Variants in LDLRAD3 observed in about 807,000 individuals in gnomAD.
LDLRAD3 encodes the protein low-density lipoprotein receptor class A domain-containing protein 3.
LDLRAD3 carries 20 observed loss-of-function variants against 29.4 expected under a neutral mutation model. The ratio of observed to expected loss-of-function variants is 0.68; its 90% confidence interval spans 0.48 to 0.99. The LOEUF (loss-of-function observed/expected upper bound fraction) is 0.99. LDLRAD3 is among the 50% of genes least tolerant of loss of function. LDLRAD3 has a pLI of 0.00. For synonymous variants in LDLRAD3, 157 were observed against 192.7 expected, an observed-to-expected ratio of 0.81 and a Z score of 1.53; for missense variants, 420 against 454.3, an observed-to-expected ratio of 0.92 and a Z score of 0.69.
chr11:36,096,691 G>T (rs1853366668), intron 3 of LDLRAD3, among the ~76,000 whole-genome samples: 1 of 152,268 alleles, frequency 6.6e-6, no homozygotes, highest in Admixed American at 6.5e-5. Flanking sequence ...GCCTGTGGCT[G>T]GCGTAGCCAT....
chr11:36,222,183 C>T (rs767603219), intron 4 of LDLRAD3, among the ~76,000 whole-genome samples: 7 of 152,182 alleles, frequency 4.6e-5, no homozygotes, highest in Non-Finnish European at 1.0e-4. Flanking sequence ...GATCTTCCTT[C>T]TTAGCCTCCT....
At chr11:36,211,275 T>C (rs1855281087) in intron 4 of LDLRAD3, among the ~76,000 whole-genome samples, 1 of 152,168 alleles carries the variant, frequency 6.6e-6, no homozygotes, top group Admixed American at 6.5e-5. Context: ...ACCCCTGAGC[T>C]AGAACACAGG....
intron 4 of LDLRAD3, among the ~76,000 whole-genome samples, chr11:36,185,039 T>C (rs1439192073): frequency 1.3e-5 from 2 of 152,242 alleles, no homozygotes; most frequent in African/African-American, 2.4e-5. Flanking sequence ...AAATATATTT[T>C]ACTCTAGAAT....
At chr11:36,127,060 A>T (rs1202720748) in intron 4 of LDLRAD3, among the ~76,000 whole-genome samples, 1 of 152,208 alleles carries the variant, frequency 6.6e-6, no homozygotes, top group East Asian at 1.9e-4. Context: ...CACTGAGCAC[A>T]TTACTGTTGT....
chr11:36,133,595 T>C (rs2133308379), intron 4 of LDLRAD3, among the ~76,000 whole-genome samples: 1 of 147,038 alleles, frequency 6.8e-6, no homozygotes, highest in Non-Finnish European at 1.5e-5. Flanking sequence ...TCACCTAGGC[T>C]GTGTCTCAGC....
intron 4 of LDLRAD3, among the ~76,000 whole-genome samples, chr11:36,136,700 T>TG (rs892030327): frequency 5.4e-5 from 8 of 147,252 alleles, no homozygotes; most frequent in African/African-American, 1.7e-4. Flanking sequence ...CTAATCCTCT[T>TG]TTTTTTTTTT....
rs1392639853 is a variant in LDLRAD3, at chr11:35,944,153, G to T, written c.46+9G>T. The T allele has an allele frequency of 1.7e-5, 17 of 1,027,726 alleles. No homozygotes were observed. Among genetic ancestry groups the T allele is most frequent in the Non-Finnish European group, 2.0e-5 (17 of 859,182 alleles). The allele number at this position is 1,027,726 out of a possible 1,614,324, so 63.7% of individuals were successfully genotyped here. A position where few individuals can be genotyped will look rare whatever the true frequency, so the allele number is the denominator to read the frequency against. On this transcript the variant is annotated intron_variant, in intron 1 of 5. Transcript: ENST00000315571. The surrounding 1 kb of genome is among the most constrained non-coding windows in gnomAD (Gnocchi z 4.9). ...GCTGAGCAGCGCCGCGGGTGAGTCG[G>T]GGGGCGGCCGGCGAACTTCCCGCGG... is the stretch of plus-strand genomic sequence containing the variant.
chr11:36,087,084 A>T (rs1315416933), intron 3 of LDLRAD3, among the ~76,000 whole-genome samples: 1 of 152,172 alleles, frequency 6.6e-6, no homozygotes, highest in Non-Finnish European at 1.5e-5. Context: ...AAACTTTTAG[A>T]TACAGAATGT....
intron 1 of LDLRAD3, among the ~76,000 whole-genome samples, chr11:36,030,305 G>A (rs554669147): frequency 6.6e-6 from 1 of 152,326 alleles, no homozygotes; most frequent in African/African-American, 2.4e-5. Context: ...AGATGTCTCT[G>A]GTTCCTTCTG....
intron 4 of LDLRAD3, among the ~76,000 whole-genome samples, chr11:36,172,732 C>A (rs1854614910): frequency 6.6e-6 from 1 of 151,944 alleles, no homozygotes; most frequent in African/African-American, 2.4e-5. Flanking sequence ...AGTTAGCTAT[C>A]ATTTTGTTGA....
At chr11:35,974,192 C>A (rs1019090969) in intron 1 of LDLRAD3, among the ~76,000 whole-genome samples, 7 of 152,144 alleles carry the variant, frequency 4.6e-5, no homozygotes, top group Non-Finnish European at 7.3e-5. Context: ...TTCCTCACTC[C>A]AAAATTACAC....
chr11:36,090,968 A>G (rs1437934646), intron 3 of LDLRAD3, among the ~76,000 whole-genome samples: 1 of 152,132 alleles, frequency 6.6e-6, no homozygotes, highest in Non-Finnish European at 1.5e-5. Flanking sequence ...GGCAGCGAGC[A>G]TTTTCCAAGT....
intron 4 of LDLRAD3, among the ~76,000 whole-genome samples, chr11:36,122,797 T>C (rs1387823226): frequency 6.6e-6 from 1 of 152,092 alleles, no homozygotes; most frequent in Non-Finnish European, 1.5e-5. Context: ...GGCAGAAGGA[T>C]TGCTTAAGCC....
intron 2 of LDLRAD3, among the ~76,000 whole-genome samples, chr11:36,065,054 C>T (rs553746395): frequency 7.3e-4 from 111 of 152,228 alleles, no homozygotes; most frequent in African/African-American, 2.6e-3. Flanking sequence ...GTGTTCATGC[C>T]TTCTGTTTTC....
chr11:36,145,639 CT>C (rs949122763), intron 4 of LDLRAD3, among the ~76,000 whole-genome samples: 13 of 151,302 alleles, frequency 8.6e-5, no homozygotes, highest in Non-Finnish European at 1.6e-4. Context: ...ACATGGGAGA[CT>C]TTTCATTTTG....
intron 2 of LDLRAD3, among the ~76,000 whole-genome samples, chr11:36,076,474 C>T (rs1192428314): frequency 1.3e-5 from 2 of 152,024 alleles, no homozygotes; most frequent in African/African-American, 2.4e-5. Context: ...GCAACCTCCA[C>T]CTCCCGGGTT....
At chr11:36,016,664 A>T (rs565412729) in intron 1 of LDLRAD3, among the ~76,000 whole-genome samples, 2 of 152,360 alleles carry the variant, frequency 1.3e-5, no homozygotes, top group Non-Finnish European at 2.9e-5. Context: ...CCCACATTCT[A>T]AAAGGACCTC....
rs954185761 is a variant in LDLRAD3 at position 36,188,068 on chromosome 11, A to G, written c.455-39017A>G. Among the ~76,000 whole-genome samples, 20 of 152,144 alleles carry G rather than the reference A, an allele frequency of 1.3e-4. 1 individual carries two copies. The highest frequency in any genetic ancestry group is 1.2e-3 in the Admixed American group (19 of 15,266). On this transcript the variant is annotated intron_variant, in intron 4 of 5. Coordinates refer to ENST00000315571, the MANE Select transcript of LDLRAD3 (RefSeq NM_174902.4). ...ATAACGATGAGTAGGAATCAGAGCT[A>G]GAATTAACCCCTATTTTCTTACTAT...
chr11:36,124,404 G>A (rs1853805272), intron 4 of LDLRAD3, among the ~76,000 whole-genome samples: 1 of 152,124 alleles, frequency 6.6e-6, no homozygotes, highest in African/African-American at 2.4e-5. Context: ...ACCCTATAAG[G>A]TAGGTATTCT....
Sources: gnomAD v4.1 joint callset for allele counts (sites outside exome capture counted in the v4.1 genomes callset) on GRCh38, gnomAD v4.1.1 for gene constraint, Gnocchi (gnomAD v3.1) non-coding constraint, MANE v1.5 for transcripts, NCBI Gene and HGNC (gene_info 2026-07-23, HGNC 2026-07-21) for gene names.